The following SRGAP2 variants were observed in gnomAD, a reference collection of about 807,000 sequenced individuals.
SRGAP2 encodes the protein SLIT-ROBO Rho GTPase-activating protein 2.
A neutral mutation model predicts 57.2 loss-of-function variants in SRGAP2; 15 were observed. That is an observed-to-expected ratio of 0.26 (90% CI 0.18 to 0.40). SRGAP2 has a LOEUF of 0.40. Among genes scored for constraint, SRGAP2 ranks in the 10% least tolerant of loss-of-function variants. The pLI is 1.00. For missense variants in SRGAP2, 520 were observed against 669.6 expected, an observed-to-expected ratio of 0.78 and a Z score of 2.47; for synonymous variants, 249 against 248.0, an observed-to-expected ratio of 1.00 and a Z score of -0.04.
At chr1:206,425,223 GCTA>G (rs1184117209) in intron 13 of SRGAP2, among the ~76,000 whole-genome samples, 3 of 152,118 alleles carry the variant, frequency 2.0e-5, no homozygotes, top group African/African-American at 7.2e-5. Flanking sequence ...TATCACTGCT[GCTA>G]CTATTTTTTA....
chr1:206,455,111 G>A, intron 21 of SRGAP2, 87 bp downstream of exon 21: 1 of 772,950 alleles, frequency 1.3e-6, no homozygotes, highest in Admixed American at 1.7e-5. Context: ...CTCCATTCCT[G>A]TGCTGCACGT....
In SRGAP2 at chr1:206,305,795, CTG is replaced by C. The variant is rs1372962381; in HGVS notation, c.260+2325_260+2326del. Among the ~76,000 whole-genome samples, 3 of 151,454 alleles carry C rather than the reference CTG, an allele frequency of 2.0e-5. No individual in the cohort carries two copies. In the East Asian group the frequency reaches 5.8e-4, roughly 29 times the overall value. ...ACAAATTATCCTTTAAAAGCCAGCT[CTG>C]TGCAATGAAGATGGGGTTAAGGTTG... On this transcript the variant is annotated intron_variant, in intron 3 of 22. Coordinates refer to ENST00000573034, the MANE Select transcript of SRGAP2 (RefSeq NM_015326.5).
intron 7 of SRGAP2, among the ~76,000 whole-genome samples, chr1:206,399,198 G>A (rs531190522): frequency 1.3e-5 from 2 of 152,026 alleles, no homozygotes; most frequent in East Asian, 3.9e-4. Context: ...AAAGGGAGTT[G>A]ATGTTGGATG....
Position 206,374,019 on chromosome 1 carries a change from C to CTTTTT in SRGAP2, c.424-9976_424-9972dup, listed in dbSNP as rs56021600. ...TGACAACTGCGGGTAGATACACATTCTTTTTTTTTTTTTTTTTTTTTTTGA... is the reference window on the plus strand; with the variant it reads ...TGACAACTGCGGGTAGATACACATTCTTTTTTTTTTTTTTTTTTTTTTTTTTTTGA... On this transcript the variant is annotated intron_variant, in intron 4 of 22. Coordinates refer to ENST00000573034, the MANE Select transcript of SRGAP2 (RefSeq NM_015326.5). Among the ~76,000 whole-genome samples the CTTTTT allele has an allele frequency of 1.0e-3, 79 of 76,994 alleles. 1 individual carries two copies. Among genetic ancestry groups the CTTTTT allele is most frequent in the African/African-American group, 1.6e-3 (29 of 17,990 alleles). The allele number at this position is 76,994 out of a possible 152,430, so 50.5% of individuals were successfully genotyped here.
At chr1:206,281,962 T>G (rs1183383330) in intron 2 of SRGAP2, among the ~76,000 whole-genome samples, 1 of 151,156 alleles carries the variant, frequency 6.6e-6, no homozygotes, top group Non-Finnish European at 1.5e-5. Flanking sequence ...CCTGTAACAC[T>G]TTGCTTTTAC....
In SRGAP2 at chr1:206,358,253, A is replaced by G. The variant is rs1251642618; in HGVS notation, c.423+15245A>G. Among the ~76,000 whole-genome samples the G allele has an allele frequency of 2.7e-5, 4 of 149,654 alleles. No individual in the cohort carries two copies. In the East Asian group the frequency reaches 8.1e-4, roughly 30 times the overall value. ...CCTCACTGTTCCTTCTCAGAATGCT[A>G]TAGGCATCAGTAAAACCTGGGAACA... On this transcript the variant is annotated intron_variant, in intron 4 of 22. Coordinates refer to ENST00000573034, the MANE Select transcript of SRGAP2 (RefSeq NM_015326.5).
chr1:206,256,342 T>TC (rs1553312384), intron 2 of SRGAP2, among the ~76,000 whole-genome samples: 1 of 152,222 alleles, frequency 6.6e-6, no homozygotes, highest in African/African-American at 2.4e-5. Context: ...AAGACTCTGT[T>TC]CACATACCCA....
In SRGAP2 at chr1:206,411,956, C is replaced by T. The variant is rs568803816; in HGVS notation, c.1357-3933C>T. ...TGCCTGCTCTATGCCAGGCCCTGTGCTATTAACAGTAATGCTTATTATCCA... is the reference window on the plus strand; with the variant it reads ...TGCCTGCTCTATGCCAGGCCCTGTGTTATTAACAGTAATGCTTATTATCCA... On this transcript the variant is annotated intron_variant, in intron 10 of 22. Coordinates refer to ENST00000573034, the MANE Select transcript of SRGAP2 (RefSeq NM_015326.5). 3.9e-5 allele frequency among the ~76,000 whole-genome samples: 6 copies of T among 152,270 alleles called. No homozygotes were observed. The South Asian group carries it at 1.0e-3, about 26-fold the overall frequency.
At chr1:206,388,203 A>T (rs1317535680) in intron 5 of SRGAP2, among the ~76,000 whole-genome samples, 10 of 151,708 alleles carry the variant, frequency 6.6e-5, no homozygotes, top group African/African-American at 2.2e-4. Flanking sequence ...TTGTTATTCC[A>T]GAGGCCTTAT....
At chr1:206,404,416 C>A (rs1430745255) in intron 8 of SRGAP2, among the ~76,000 whole-genome samples, 1 of 152,206 alleles carries the variant, frequency 6.6e-6, no homozygotes, top group Non-Finnish European at 1.5e-5. Flanking sequence ...AGACAAGAGG[C>A]TAAAGGACGA....
intron 19 of SRGAP2, among the ~76,000 whole-genome samples, chr1:206,451,065 T>C (rs563849558): frequency 6.8e-4 from 95 of 138,860 alleles, no homozygotes; most frequent in African/African-American, 2.6e-3. Context: ...TGCAACAAGC[T>C]ATGATTGTAC....
chr1:206,461,581 C>T lies in SRGAP2; in HGVS notation c.*161C>T. 3.2e-6 allele frequency: 2 copies of T among 630,342 alleles called. No homozygotes were observed. The highest frequency in any genetic ancestry group is 5.7e-6 in the Non-Finnish European group (2 of 350,096). 39.0% of individuals were successfully genotyped at this position (630,342 alleles called of 1,614,324 possible). A position where few individuals can be genotyped will look rare whatever the true frequency, so the allele number is the denominator to read the frequency against. The stretch of plus-strand genomic sequence containing the variant: ...TCTCCCAAAACCTTGAGAATGAAGC[C>T]CTTGGTATCGCCTCTCCCTTCCCAC... On this transcript the variant is annotated 3_prime_UTR_variant, in exon 23 of 23. Transcript: ENST00000573034.
At chr1:206,311,315 A>G (rs1414000112) in intron 3 of SRGAP2, among the ~76,000 whole-genome samples, 3 of 152,192 alleles carry the variant, frequency 2.0e-5, no homozygotes, top group Non-Finnish European at 4.4e-5. Flanking sequence ...GACCATGGCC[A>G]CCCATCCATA....
intron 2 of SRGAP2, among the ~76,000 whole-genome samples, chr1:206,276,481 GGGTGGAGTTGAGGAAGGGTGGGAA>G: frequency 1.4e-5 from 2 of 142,710 alleles, no homozygotes; most frequent in Non-Finnish European, 3.1e-5. Context: ...GTGGGGTAGG[GGGTGGAGTTGAGGAAGGGTGGGAA>G]GGTGGAGTGA....
rs570903470 is a variant in SRGAP2, at chr1:206,400,307, C to CA, written c.832-1113dup. Among the ~76,000 whole-genome samples the CA allele has an allele frequency of 6.1e-3, 910 of 149,328 alleles. 11 individuals are homozygous for CA. Among genetic ancestry groups the CA allele is most frequent in the African/African-American group, 0.022 (874 of 40,572 alleles). On this transcript the variant is annotated intron_variant, in intron 7 of 22. Coordinates refer to ENST00000573034, the MANE Select transcript of SRGAP2 (RefSeq NM_015326.5). ...TTGGGAGGGATGGGGAATATTATCA[C>CA]AGAGTTACAGAATGCCATTGCTGAA...
chr1:206,307,706 C>A (rs1250159920), intron 3 of SRGAP2, among the ~76,000 whole-genome samples: 5 of 152,254 alleles, frequency 3.3e-5, no homozygotes, highest in Admixed American at 2.6e-4. Flanking sequence ...GTGCTAAGTC[C>A]CCCATTGCCC....
chr1:206,435,384 CAG>C (rs1476505967), intron 14 of SRGAP2, among the ~76,000 whole-genome samples: 1 of 152,206 alleles, frequency 6.6e-6, no homozygotes, highest in Non-Finnish European at 1.5e-5. Context: ...TGTGCCGTAA[CAG>C]AGGGATTTTG....
chr1:206,398,383 G>A (rs1351860284), intron 7 of SRGAP2, among the ~76,000 whole-genome samples: 2 of 150,676 alleles, frequency 1.3e-5, no homozygotes, highest in African/African-American at 4.9e-5. Flanking sequence ...GTTGGCTAGA[G>A]GTGTAGAGGA....
At chr1:206,239,140 G>A (rs1341390885) in intron 2 of SRGAP2, among the ~76,000 whole-genome samples, 1 of 148,848 alleles carries the variant, frequency 6.7e-6, no homozygotes, top group Non-Finnish European at 1.5e-5. Flanking sequence ...CCCACTCACT[G>A]CCAGAAATGA....
Sources: allele counts gnomAD v4.1 joint callset (sites outside exome capture counted in the v4.1 genomes callset), GRCh38; gene constraint gnomAD v4.1.1; transcripts MANE v1.5; gene names NCBI Gene and HGNC (gene_info 2026-07-23, HGNC 2026-07-21).